CAMLG: variants seen among roughly 807,000 people sequenced by gnomAD.
The protein encoded by CAMLG is calcium modulating ligand.
In CAMLG, 23 loss-of-function variants were observed where a neutral mutation model predicts 28.9. The ratio of observed to expected loss-of-function variants is 0.80; its 90% CI spans 0.57 to 1.13. CAMLG has a LOEUF of 1.13. CAMLG is among the 50% of genes most tolerant of loss of function. CAMLG has a pLI of 0.00. For missense variants in CAMLG, 367 were observed against 371.9 expected (o/e 0.99, Z 0.11); for synonymous variants, 141 against 146.5 (o/e 0.96, Z 0.27).
chr5:134,748,146 T>A (rs1349875904), intron 3 of CAMLG, among the ~76,000 whole-genome samples: 1 of 152,004 alleles, frequency 6.6e-6, no homozygotes, highest in South Asian at 2.1e-4. Context: ...AGCTGGTCTC[T>A]GGTCTCTATC....
At chr5:134,742,484 C>G (rs969376331) in intron 2 of CAMLG, among the ~76,000 whole-genome samples, 3 of 152,278 alleles carry the variant, frequency 2.0e-5, no homozygotes, top group East Asian at 3.9e-4. Flanking sequence ...TGCAGTTCCT[C>G]TGGTCCTGAA....
chr5:134,741,388 G>C lies in CAMLG; in HGVS notation c.498G>C (p.Arg166Ser), dbSNP rs141439378. The change falls in exon 2 of 4, where the codon AGG becomes AGC. Residue 166 changes from arginine (R) to serine (S), a missense_variant. Coordinates refer to ENST00000297156, the MANE Select transcript of CAMLG (RefSeq NM_001745.4). The part of the protein sequence containing the change: ...LSRFEEAMKL[R>S]KQLISEKPSQ... Reference sequence around the variant, plus strand: ...GATTCGAAGAAGCAATGAAGCTAAGGAAACAGCTGATTAGTGAAAAACCCA... The same window carrying C: ...GATTCGAAGAAGCAATGAAGCTAAGCAAACAGCTGATTAGTGAAAAACCCA... 6.2e-7 allele frequency: 1 copy of C among 1,614,034 alleles called. No homozygotes were observed. The highest frequency in any genetic ancestry group is 1.3e-5 in the African/African-American group (1 of 74,938).
chr5:134,747,830 C>T (rs1193763651), intron 3 of CAMLG, among the ~76,000 whole-genome samples: 1 of 151,070 alleles, frequency 6.6e-6, no homozygotes, highest in African/African-American at 2.4e-5. Context: ...TTAGTAGAGA[C>T]GGGGTTTCAC....
chr5:134,742,589 T>A (rs1752998385), intron 2 of CAMLG, among the ~76,000 whole-genome samples: 1 of 152,234 alleles, frequency 6.6e-6, no homozygotes, highest in Non-Finnish European at 1.5e-5. Flanking sequence ...GTAGTCATTT[T>A]GTTTTATAGT....
chr5:134,745,448 A>G (rs1289788118), intron 3 of CAMLG, among the ~76,000 whole-genome samples: 6 of 142,014 alleles, frequency 4.2e-5, no homozygotes, highest in African/African-American at 1.3e-4. Flanking sequence ...AAAAAAAAAA[A>G]AAAGAAAGAA....
chr5:134,742,548 C>T (rs544458717), intron 2 of CAMLG, among the ~76,000 whole-genome samples: 1 of 152,232 alleles, frequency 6.6e-6, no homozygotes, highest in East Asian at 1.9e-4. Flanking sequence ...CCTAATATAT[C>T]ATAATGAGTC....
Position 134,738,606 on chromosome 5 carries a change from A to G in CAMLG, c.-15A>G. 6.2e-7 allele frequency: 1 copy of G among 1,602,518 alleles called. No homozygotes were observed. The highest frequency in any genetic ancestry group is 8.5e-7 in the Non-Finnish European group (1 of 1,175,092). ...TCACCGCCACTGCCACCCCTCCCAG[A>G]CTGTGGACGGGAGGATGGAGTCGAT... On this transcript the variant is annotated 5_prime_UTR_variant, in exon 1 of 4. Coordinates refer to ENST00000297156, the MANE Select transcript of CAMLG (RefSeq NM_001745.4).
rs185261383 is a variant in CAMLG, at chr5:134,748,877, A to G, written c.700-1882A>G. Among the ~76,000 whole-genome samples the G allele has an allele frequency of 2.0e-5, 3 of 152,264 alleles. No individual in the cohort carries two copies. In the East Asian group the frequency reaches 5.8e-4, roughly 29 times the overall value. ...TGAGATTTATCCATGTTGTTGGATA[A>G]ATCAGTAGTTAATTCCTTTTTTTTT... On this transcript the variant is annotated intron_variant, in intron 3 of 3. Coordinates refer to ENST00000297156, the MANE Select transcript of CAMLG (RefSeq NM_001745.4).
chr5:134,744,250 G>A (rs572503726), intron 3 of CAMLG, among the ~76,000 whole-genome samples, 198 bp downstream of exon 3: 3 of 152,254 alleles, frequency 2.0e-5, no homozygotes, highest in South Asian at 2.1e-4. Context: ...TTGGCCGGGC[G>A]CAGTGGCTCA....
chr5:134,749,599 G>A (rs1235437763), intron 3 of CAMLG, among the ~76,000 whole-genome samples: 2 of 152,180 alleles, frequency 1.3e-5, no homozygotes. Context: ...CTATAAGTCT[G>A]TGACAAATTA....
intron 3 of CAMLG, among the ~76,000 whole-genome samples, 180 bp downstream of exon 3, chr5:134,744,232 A>C (rs545203086): frequency 2.3e-4 from 35 of 152,270 alleles, no homozygotes; most frequent in African/African-American, 8.2e-4. Context: ...AGTTCAAAAA[A>C]TGAGTAATTG....
Position 134,744,132 on chromosome 5 carries a change from T to G in CAMLG, c.699+80T>G. Reference sequence around the variant, plus strand: ...AGCTAATTGAAGGAACTTAAAAATGTTAGTCCTGCTTACGGTCTGAATCAG... The same window carrying G: ...AGCTAATTGAAGGAACTTAAAAATGGTAGTCCTGCTTACGGTCTGAATCAG... On this transcript the variant is annotated intron_variant, in intron 3 of 3. Transcript: ENST00000297156. 4 of 683,722 alleles carry G rather than the reference T, an allele frequency of 5.9e-6. No homozygotes were observed. The Admixed American group carries it at 6.9e-5, about 12-fold the overall frequency. The allele number at this position is 683,722 out of a possible 1,614,324, so 42.4% of individuals were successfully genotyped here.
intron 1 of CAMLG, among the ~76,000 whole-genome samples, chr5:134,740,483 T>C (rs982912596): frequency 2.6e-5 from 4 of 152,222 alleles, no homozygotes; most frequent in African/African-American, 9.6e-5. Flanking sequence ...TGAATATCTT[T>C]CCCAGTTTGT....
chr5:134,747,509 A>G (rs2150122159), intron 3 of CAMLG, among the ~76,000 whole-genome samples: 1 of 152,002 alleles, frequency 6.6e-6, no homozygotes, highest in East Asian at 1.9e-4. Flanking sequence ...ACGGCCGGCT[A>G]ATTTTTTTTT....
rs556893256 is a variant in CAMLG, at chr5:134,751,142, A to C, written c.*192A>C. ...AAGGGCTGAGTTTGTATTATTACTGATATGAAGAATAGAGTACCAATGTCA... is the reference window on the plus strand; with the variant it reads ...AAGGGCTGAGTTTGTATTATTACTGCTATGAAGAATAGAGTACCAATGTCA... On this transcript the variant is annotated 3_prime_UTR_variant, in exon 4 of 4. Transcript: ENST00000297156. 2.0e-6 allele frequency: 1 copy of C among 505,538 alleles called. No homozygotes were observed. Among genetic ancestry groups the C allele is most frequent in the Non-Finnish European group, 3.5e-6 (1 of 285,468 alleles). The allele number at this position is 505,538 out of a possible 1,614,324, so 31.3% of individuals were successfully genotyped here. A position where few individuals can be genotyped will look rare whatever the true frequency, so the allele number is the denominator to read the frequency against.
rs755518393 is a variant in CAMLG, at chr5:134,750,770, G to A, written c.711G>A (p.Lys237=). ...CTTTCTCTACACAGAGTGAAAAGAA[G>A]ATAAAGACAACAGTACTAACAGCTG... The part of the protein sequence containing the change: ...LYKYFPKSEK[K]IKTTVLTAAL... Residue 237 remains lysine (K), a synonymous_variant, in exon 4 of 4, where the codon AAG becomes AAA. Transcript: ENST00000297156. The A allele has an allele frequency of 1.2e-6, 2 of 1,612,152 alleles. No homozygotes were observed. Among genetic ancestry groups the A allele is most frequent in the South Asian group, 1.1e-5 (1 of 90,988 alleles).
intron 3 of CAMLG, among the ~76,000 whole-genome samples, chr5:134,749,000 T>TAA (rs1188864080): frequency 1.3e-5 from 2 of 152,176 alleles, no homozygotes; most frequent in East Asian, 3.9e-4. Context: ...TTATTATGAC[T>TAA]AAAACTAAGA....
intron 3 of CAMLG, among the ~76,000 whole-genome samples, chr5:134,749,788 A>G (rs2150122610): frequency 6.6e-6 from 1 of 152,246 alleles, no homozygotes; most frequent in East Asian, 1.9e-4. Context: ...GTGCAGTCTC[A>G]GTTCAGTGCA....
chr5:134,741,532 A>G lies in CAMLG; in HGVS notation c.633+9A>G. 6.5e-7 allele frequency: 1 copy of G among 1,538,380 alleles called. No individual in the cohort carries two copies. Among genetic ancestry groups the G allele is most frequent in the East Asian group, 2.3e-5 (1 of 44,374 alleles). ...TTGTTTGCAAATACTTGGTAAGAAA[A>G]GATCTGTAAATTATTAACTAACTTA... On this transcript the variant is annotated intron_variant, in intron 2 of 3. Transcript: ENST00000297156.
Sources: allele counts gnomAD v4.1 joint callset (sites outside exome capture counted in the v4.1 genomes callset), GRCh38; gene constraint gnomAD v4.1.1; transcripts MANE v1.5; gene names NCBI Gene and HGNC (gene_info 2026-07-23, HGNC 2026-07-21).